Variants in RAB5A observed in about 807,000 individuals in gnomAD.
RAB5A encodes the protein ras-related protein Rab-5A.
A neutral mutation model predicts 25.7 loss-of-function variants in RAB5A; 8 were observed. The observed-to-expected ratio is 0.31, with a 90% CI of 0.18 to 0.56. The LOEUF (loss-of-function observed/expected upper bound fraction) is 0.56, where lower values mean the gene tolerates loss of function less well. Ranked by LOEUF, RAB5A falls within the 20% of genes least tolerant of loss-of-function variation. The pLI, the probability that RAB5A is intolerant of heterozygous loss-of-function variation, is 0.91. For synonymous variants in RAB5A, 98 were observed against 89.8 expected (o/e 1.09, Z -0.52); for missense variants, 192 against 259.7 (o/e 0.74, Z 1.79).
Position 19,976,086 on chromosome 3 carries a change from C to G in RAB5A, c.355C>G (p.Gln119Glu), listed in dbSNP as rs1488785493. The G allele has an allele frequency of 6.2e-7, 1 of 1,613,144 alleles. No individual in the cohort carries two copies. Among genetic ancestry groups the G allele is most frequent in the South Asian group, 1.1e-5 (1 of 90,836 alleles). Residue 119 changes from glutamine (Q) to glutamate (E), a missense_variant, in exon 4 of 6, where the codon CAG becomes GAG. Coordinates refer to ENST00000273047, the MANE Select transcript of RAB5A (RefSeq NM_004162.5). Reference protein sequence around the residue: ...ARAKNWVKELQRQASPNIVIA... With the variant: ...ARAKNWVKELERQASPNIVIA... ...AGCAAAAAATTGGGTTAAAGAACTT[C>G]AGAGGCAAGCAAGTCCTAACATTGT...
intron 2 of RAB5A, among the ~76,000 whole-genome samples, chr3:19,951,691 T>G (rs972188310): frequency 2.2e-5 from 3 of 135,874 alleles, no homozygotes; most frequent in African/African-American, 8.9e-5. Flanking sequence ...CATGCCACCA[T>G]GCCAGGCAAG....
intron 2 of RAB5A, among the ~76,000 whole-genome samples, chr3:19,971,635 CTAATTGT>C (rs1490318829): frequency 1.3e-5 from 2 of 152,040 alleles, no homozygotes; most frequent in Non-Finnish European, 2.9e-5. Context: ...CCATGCCTGG[CTAATTGT>C]TTTTGTATTT....
chr3:19,978,920 ACT>A (rs1696870025), intron 5 of RAB5A: 1 of 152,078 alleles, frequency 6.6e-6, no homozygotes, highest in East Asian at 1.9e-4. Flanking sequence ...CAACATCCAT[ACT>A]TTATATTACC....
chr3:19,979,479 G>T lies in RAB5A; in HGVS notation c.532+1076G>T, dbSNP rs539262088. ...TTTTTGTATTTTTAGTAGAGACGGG[G>T]TTTCACCATGTTAGCCAGGATGGTC... On this transcript the variant is annotated intron_variant, in intron 5 of 5. Transcript: ENST00000273047. 4.0e-5 allele frequency among the ~76,000 whole-genome samples: 6 copies of T among 150,660 alleles called. No homozygotes were observed. In the South Asian group the frequency reaches 1.3e-3, roughly 32 times the overall value.
At chr3:19,969,323 C>T (rs996201801) in intron 2 of RAB5A, among the ~76,000 whole-genome samples, 5 of 152,034 alleles carry the variant, frequency 3.3e-5, no homozygotes, top group Admixed American at 1.3e-4. Context: ...GGATTACAGG[C>T]GTGAGCCACC....
rs374643261 is a variant in RAB5A, at chr3:19,972,103, A to G, written c.164-3498A>G. ...ATCAATATGATGTCACAAGTGAACA[A>G]TTTCCACACTTAACACCTTTGCTTT... On this transcript the variant is annotated intron_variant, in intron 2 of 5. Coordinates refer to ENST00000273047, the MANE Select transcript of RAB5A (RefSeq NM_004162.5). Among the ~76,000 whole-genome samples the G allele has an allele frequency of 3.9e-4, 60 of 152,108 alleles. 1 individual carries two copies. The East Asian group carries it at 8.3e-3, about 21-fold the overall frequency.
At chr3:19,965,269 A>G (rs62241291) in intron 2 of RAB5A, among the ~76,000 whole-genome samples, 23,186 of 151,930 alleles carry the variant, frequency 0.15, 1,991 homozygotes, top group Non-Finnish European at 0.2. Context: ...AGAAATACCT[A>G]GTGTTAGCCG....
intron 2 of RAB5A, among the ~76,000 whole-genome samples, chr3:19,964,367 C>T (rs11926559): frequency 0.22 from 32,859 of 151,888 alleles, 4,473 homozygotes; most frequent in African/African-American, 0.39. Context: ...GTTAATAACT[C>T]GTACCCTGTC....
At position 19,975,966 on chromosome 3, in the gene RAB5A, T is replaced by G; in HGVS notation, c.316-81T>G. 2.0e-6 allele frequency: 3 copies of G among 1,509,936 alleles called. 1 individual carries two copies. The highest frequency in any genetic ancestry group is 2.6e-5 in the South Asian group (2 of 77,328). The allele number at this position is 1,509,936 out of a possible 1,614,324, so 93.5% of individuals were successfully genotyped here. A position where few individuals can be genotyped will look rare whatever the true frequency, so the allele number is the denominator to read the frequency against. On this transcript the variant is annotated intron_variant, in intron 3 of 5. Coordinates refer to ENST00000273047, the MANE Select transcript of RAB5A (RefSeq NM_004162.5). ...TCTTTCCCACAGTCACTTGGGACAG[T>G]CTTTTAAAGCCTTGTATCACAAAGA... is the stretch of plus-strand genomic sequence containing the variant.
intron 2 of RAB5A, among the ~76,000 whole-genome samples, chr3:19,960,345 G>T (rs34305656): frequency 0.16 from 24,697 of 152,086 alleles, 1,952 homozygotes; most frequent in South Asian, 0.21. Context: ...CTCTGTGCTA[G>T]ACTGGAGTGC....
At chr3:19,974,225 G>C (rs1166923473) in intron 2 of RAB5A, among the ~76,000 whole-genome samples, 3 of 151,282 alleles carry the variant, frequency 2.0e-5, no homozygotes, top group African/African-American at 4.9e-5. Flanking sequence ...TGCGATCTCA[G>C]CTCACTGCAA....
chr3:19,956,946 CTTTTTTTTT>C lies in RAB5A; in HGVS notation c.163+5894_163+5902del, dbSNP rs748433119. Among the ~76,000 whole-genome samples the C allele has an allele frequency of 4.2e-3, 569 of 135,228 alleles. 5 individuals are homozygous for C. The highest frequency in any genetic ancestry group is 0.015 in the African/African-American group (544 of 36,434). The allele number at this position is 135,228 out of a possible 152,430, so 88.7% of individuals were successfully genotyped here. ...TTTGAAAAATTTTGTGTTTTTTTTCCTTTTTTTTTTTTTTTTTAAACAGCCTGCTCTGTT... is the reference window on the plus strand; with the variant it reads ...TTTGAAAAATTTTGTGTTTTTTTTCCTTTTTTTTAAACAGCCTGCTCTGTT... On this transcript the variant is annotated intron_variant, in intron 2 of 5. Coordinates refer to ENST00000273047, the MANE Select transcript of RAB5A (RefSeq NM_004162.5).
intron 2 of RAB5A, among the ~76,000 whole-genome samples, chr3:19,951,701 G>GTTTTTTTTT (rs61250458): frequency 0.017 from 1,664 of 98,934 alleles, 133 homozygotes; most frequent in African/African-American, 0.063. Flanking sequence ...TGCCAGGCAA[G>GTTTTTTTTT]TTTTTTTTTT....
At chr3:19,948,676 T>C (rs1354842959) in intron 1 of RAB5A, among the ~76,000 whole-genome samples, 2 of 152,184 alleles carry the variant, frequency 1.3e-5, no homozygotes, top group African/African-American at 2.4e-5. Flanking sequence ...TTGAGATCCT[T>C]AGGGGGAGTA....
intron 4 of RAB5A, among the ~76,000 whole-genome samples, chr3:19,976,861 T>C (rs185095920): frequency 5.2e-4 from 79 of 152,258 alleles, no homozygotes; most frequent in African/African-American, 1.8e-3. Flanking sequence ...CAAACACTTA[T>C]GTGGTTGTTC....
intron 2 of RAB5A, among the ~76,000 whole-genome samples, chr3:19,969,148 G>A (rs1232533971): frequency 6.7e-6 from 1 of 150,164 alleles, no homozygotes; most frequent in Admixed American, 6.7e-5. Flanking sequence ...GGGTTCAAGC[G>A]GTTTTCCTGC....
rs746635502 is a variant in RAB5A, at chr3:19,969,044, G to GTTTTTTTTTTTTTTTT, written c.164-6557_164-6556insTTTTTTTTTTTTTTTT. 2.1e-3 allele frequency among the ~76,000 whole-genome samples: 138 copies of GTTTTTTTTTTTTTTTT among 65,518 alleles called. 1 individual carries two copies. Among genetic ancestry groups the GTTTTTTTTTTTTTTTT allele is most frequent in the South Asian group, 3.4e-3 (6 of 1,756 alleles). 43.0% of individuals were successfully genotyped at this position (65,518 alleles called of 152,430 possible). A position where few individuals can be genotyped will look rare whatever the true frequency, so the allele number is the denominator to read the frequency against. On this transcript the variant is annotated intron_variant, in intron 2 of 5. Transcript: ENST00000273047. ...TTTTTGGTTTTGGTTTTTTTTTTTT[G>GTTTTTTTTTTTTTTTT]GTTTTTTTTTTTTTTTTGAGATGGA...
At chr3:19,959,475 T>A (rs1269634729) in intron 2 of RAB5A, among the ~76,000 whole-genome samples, 3 of 151,708 alleles carry the variant, frequency 2.0e-5, no homozygotes, top group Non-Finnish European at 4.4e-5. Context: ...TATATATAAA[T>A]CAATCTCCAA....
chr3:19,980,455 CT>C (rs869252193), intron 5 of RAB5A, among the ~76,000 whole-genome samples: 12 of 118,460 alleles, frequency 1.0e-4, no homozygotes, highest in East Asian at 4.4e-4. Context: ...ATTTTTTTTT[CT>C]TTTTTTTTTT....
Sources: allele counts gnomAD v4.1 joint callset (sites outside exome capture counted in the v4.1 genomes callset), GRCh38; gene constraint gnomAD v4.1.1; transcripts MANE v1.5; gene names NCBI Gene and HGNC (gene_info 2026-07-23, HGNC 2026-07-21).